Variants in SGCD observed in about 807,000 individuals in gnomAD.
SGCD encodes delta-sarcoglycan.
Under a neutral mutation model 36.6 loss-of-function variants are expected in SGCD, and 18 were observed. That is an observed-to-expected ratio of 0.49 (90% CI 0.34 to 0.73). SGCD has a LOEUF of 0.73. Ranked by LOEUF, SGCD falls within the 30% of genes least tolerant of loss-of-function variation. The pLI is 0.01. For missense variants in SGCD, 387 were observed against 346.7 expected, an observed-to-expected ratio of 1.12 and a Z score of -0.92; for synonymous variants, 133 against 130.6, an observed-to-expected ratio of 1.02 and a Z score of -0.12.
intron 3 of SGCD, among the ~76,000 whole-genome samples, chr5:156,497,170 ACTCTCTCTCTCTCTCT>A (rs10559912): frequency 3.1e-4 from 45 of 145,362 alleles, no homozygotes; most frequent in Admixed American, 1.3e-3. Flanking sequence ...ACTCTCCTGC[ACTCTCTCTCTCTCTCT>A]CTCTCTCTCT....
intron 4 of SGCD, among the ~76,000 whole-genome samples, chr5:156,512,056 C>T (rs188250083): frequency 2.0e-5 from 3 of 151,950 alleles, no homozygotes; most frequent in African/African-American, 4.8e-5. Context: ...TAGCCAGACA[C>T]GGTGGCGGGC....
In SGCD at chr5:156,763,779, G is replaced by T. The variant is rs751053103; in HGVS notation, c.*4389G>T. Reference sequence around the variant, plus strand: ...GAAGTATGAGTATCATGGTGGGGAGGAAGGAATTTTTTTTAAATGTAAATG... The same window carrying T: ...GAAGTATGAGTATCATGGTGGGGAGTAAGGAATTTTTTTTAAATGTAAATG... On this transcript the variant is annotated 3_prime_UTR_variant, in exon 9 of 9. Coordinates refer to ENST00000337851, the MANE Select transcript of SGCD (RefSeq NM_000337.6). 6.6e-6 allele frequency: 1 copy of T among 151,950 alleles called. No homozygotes were observed. The highest frequency in any genetic ancestry group is 1.5e-5 in the Non-Finnish European group (1 of 67,972). The allele number at this position is 151,950 out of a possible 1,614,324, so 9.4% of individuals were successfully genotyped here.
chr5:155,826,116 T>G, the SGCD span, among the ~76,000 whole-genome samples: 1 of 152,326 alleles, frequency 6.6e-6, no homozygotes, highest in African/African-American at 2.4e-5. Flanking sequence ...TGGTGTAAAG[T>G]GCAAACCATT....
the SGCD span, among the ~76,000 whole-genome samples, chr5:155,837,290 TGGGACTGCAGG>T: frequency 6.6e-6 from 1 of 152,082 alleles, no homozygotes; most frequent in Non-Finnish European, 1.5e-5. Flanking sequence ...CCTGAGTAGC[TGGGACTGCAGG>T]TGCCCACCAC....
intron 1 of SGCD, among the ~76,000 whole-genome samples, chr5:156,114,894 G>A (rs1761875023): frequency 6.6e-6 from 1 of 152,036 alleles, no homozygotes; most frequent in African/African-American, 2.4e-5. Context: ...TGCTATTTTG[G>A]AGAAAAGGTG....
chr5:155,780,501 A>G, the SGCD span, among the ~76,000 whole-genome samples: 1 of 152,224 alleles, frequency 6.6e-6, no homozygotes, highest in Admixed American at 6.5e-5. Flanking sequence ...GTATAAATGT[A>G]CTTATTTATC....
chr5:155,942,799 C>T (rs765107699), intron 1 of SGCD, among the ~76,000 whole-genome samples: 26 of 152,254 alleles, frequency 1.7e-4, no homozygotes, highest in Non-Finnish European at 3.7e-4. Context: ...TGTGAAGATA[C>T]TTAAGGCAAT....
rs138211830 is a variant in SGCD at position 156,484,709 on chromosome 5, T to G, written c.193-23892T>G. On this transcript the variant is annotated intron_variant, in intron 3 of 8. Transcript: ENST00000337851. Reference sequence around the variant, plus strand: ...GGTTACAATATACAGTTTTTAAGACTTTCTCATTAGAAGATATGGTGTGAT... The same window carrying G: ...GGTTACAATATACAGTTTTTAAGACGTTCTCATTAGAAGATATGGTGTGAT... Among the ~76,000 whole-genome samples, 302 of 152,330 alleles carry G rather than the reference T, an allele frequency of 2.0e-3. 1 individual carries two copies. The highest frequency in any genetic ancestry group is 3.1e-3 in the Non-Finnish European group (211 of 68,034).
chr5:156,636,324 T>C (rs1762827393), intron 6 of SGCD, among the ~76,000 whole-genome samples: 1 of 152,214 alleles, frequency 6.6e-6, no homozygotes, highest in African/African-American at 2.4e-5. Flanking sequence ...TTCTTTTTCA[T>C]TCTTCAGTTT....
chr5:155,837,214 G>A, the SGCD span, among the ~76,000 whole-genome samples: 1 of 152,078 alleles, frequency 6.6e-6, no homozygotes. Context: ...CTGGAGTGCA[G>A]TGGCATGATC....
intron 7 of SGCD, among the ~76,000 whole-genome samples, chr5:156,699,678 G>A (rs1189512706): frequency 6.6e-6 from 1 of 152,160 alleles, no homozygotes; most frequent in Non-Finnish European, 1.5e-5. Context: ...GGACCTAGCT[G>A]TCAGTTCAGG....
chr5:156,745,117 GT>G (rs1368855881), intron 7 of SGCD, among the ~76,000 whole-genome samples: 2 of 152,112 alleles, frequency 1.3e-5, no homozygotes, highest in Non-Finnish European at 2.9e-5. Context: ...GTTCACTGAG[GT>G]GGGGAGTCTT....
At chr5:156,555,434 A>C (rs1454869402) in intron 4 of SGCD, among the ~76,000 whole-genome samples, 1 of 152,104 alleles carries the variant, frequency 6.6e-6, no homozygotes, top group Non-Finnish European at 1.5e-5. Flanking sequence ...ATTCTTTTAC[A>C]TATAGCTATT....
intron 3 of SGCD, among the ~76,000 whole-genome samples, chr5:156,240,716 G>T (rs1169863952): frequency 6.6e-6 from 1 of 152,120 alleles, no homozygotes; most frequent in African/African-American, 2.4e-5. Flanking sequence ...TGGGCCATAT[G>T]TTTTTGAGTT....
intron 4 of SGCD, among the ~76,000 whole-genome samples, chr5:156,536,011 A>G (rs1758092652): frequency 6.6e-6 from 1 of 152,182 alleles, no homozygotes; most frequent in African/African-American, 2.4e-5. Flanking sequence ...AGACATAAGT[A>G]ATTTAGGGAT....
chr5:156,110,743 A>T (rs1167226132), intron 1 of SGCD, among the ~76,000 whole-genome samples: 1 of 152,158 alleles, frequency 6.6e-6, no homozygotes, highest in Non-Finnish European at 1.5e-5. Flanking sequence ...AGTAATTATC[A>T]GTAATGTTTT....
At chr5:156,445,191 G>A (rs1316692728) in intron 3 of SGCD, among the ~76,000 whole-genome samples, 2 of 152,022 alleles carry the variant, frequency 1.3e-5, no homozygotes, top group Non-Finnish European at 2.9e-5. Context: ...ACCTAAAAGT[G>A]GTACATATCT....
chr5:156,124,062 C>G (rs1762111532), intron 3 of SGCD: 1 of 152,184 alleles, frequency 6.6e-6, no homozygotes, highest in African/African-American at 2.4e-5. Context: ...CAAATGTGAA[C>G]ATTTAAAGAT....
At chr5:156,684,227 T>C (rs32075) in intron 7 of SGCD, among the ~76,000 whole-genome samples, 123,980 of 151,460 alleles carry the variant, frequency 0.82, 50,992 homozygotes, top group South Asian at 0.89. Flanking sequence ...GTTAGGAAAC[T>C]GTAGAAAGGT....
Sources: gnomAD v4.1 joint callset for allele counts (sites outside exome capture counted in the v4.1 genomes callset) on GRCh38, gnomAD v4.1.1 for gene constraint, MANE v1.5 for transcripts, NCBI Gene and HGNC (gene_info 2026-07-23, HGNC 2026-07-21) for gene names.